The following SBF2 variants were observed in gnomAD, a reference collection of about 807,000 sequenced individuals.
The protein encoded by SBF2 is myotubularin-related protein 13.
In SBF2, 112 loss-of-function variants were observed where a neutral mutation model predicts 225.2. The ratio of observed to expected loss-of-function variants is 0.50; its 90% confidence interval spans 0.43 to 0.58. The LOEUF is 0.58. Ranked by LOEUF, SBF2 falls within the 20% of genes least tolerant of loss-of-function variation. SBF2 has a pLI of 0.00. For missense variants in SBF2, 1,996 were observed against 2,206.2 expected (o/e 0.90, Z 1.91); for synonymous variants, 763 against 773.3 (o/e 0.99, Z 0.22).
chr11:10,046,859 A>G (rs1292447483), intron 2 of SBF2, among the ~76,000 whole-genome samples: 1 of 149,220 alleles, frequency 6.7e-6, no homozygotes, highest in Non-Finnish European at 1.5e-5. Flanking sequence ...ATGATTGTGT[A>G]AACAGATAAT....
chr11:9,788,756 G>A (rs1471989154), intron 35 of SBF2, among the ~76,000 whole-genome samples: 8 of 135,640 alleles, frequency 5.9e-5, no homozygotes, highest in East Asian at 2.1e-4. Flanking sequence ...CACCACGCCC[G>A]GCTAATTTTT....
At chr11:10,242,157 C>T (rs1014695213) in intron 1 of SBF2, among the ~76,000 whole-genome samples, 1 of 151,932 alleles carries the variant, frequency 6.6e-6, no homozygotes, top group East Asian at 2.0e-4. Context: ...AAAATAAAAA[C>T]TACCCACAAA....
At chr11:10,183,128 C>T (rs1956803505) in intron 2 of SBF2, among the ~76,000 whole-genome samples, 9 of 152,118 alleles carry the variant, frequency 5.9e-5, no homozygotes, top group Admixed American at 5.9e-4. Context: ...GTGATCATCA[C>T]CCCACATTTT....
At chr11:10,115,970 T>C (rs892012490) in intron 2 of SBF2, among the ~76,000 whole-genome samples, 2 of 151,996 alleles carry the variant, frequency 1.3e-5, no homozygotes, top group African/African-American at 4.8e-5. Flanking sequence ...ATTGAGACCA[T>C]CCTGGCTAAC....
At position 10,294,207 on chromosome 11, in the gene SBF2, C is replaced by T. The variant is rs894128141; in HGVS notation, c.-138G>A. 1.3e-5 allele frequency: 8 copies of T among 603,602 alleles called. No homozygotes were observed. In the South Asian group the frequency reaches 2.6e-4, roughly 19 times the overall value. The allele number at this position is 603,602 out of a possible 1,614,324, so 37.4% of individuals were successfully genotyped here. The stretch of plus-strand genomic sequence containing the variant: ...CAGCGCTTCAGCCATGTTTGACAAC[C>T]GAGGCGCGCTCTGCGCTTGCGCGGC... On this transcript the variant is annotated 5_prime_UTR_variant, in exon 1 of 40. Transcript: ENST00000256190.
At chr11:10,172,308 T>A (rs1956230253) in intron 2 of SBF2, among the ~76,000 whole-genome samples, 1 of 152,116 alleles carries the variant, frequency 6.6e-6, no homozygotes. Context: ...TTCACTATAT[T>A]CCATAGGTTT....
chr11:10,070,503 G>C (rs925650259), intron 2 of SBF2, among the ~76,000 whole-genome samples: 1 of 151,454 alleles, frequency 6.6e-6, no homozygotes, highest in African/African-American at 2.4e-5. Flanking sequence ...GCTTTGTTCT[G>C]TTCCATTGGT....
intron 2 of SBF2, among the ~76,000 whole-genome samples, chr11:10,084,296 G>C (rs1951473578): frequency 6.6e-6 from 1 of 151,728 alleles, no homozygotes. Flanking sequence ...TTCAGAAGAA[G>C]ACATACAAAT....
chr11:9,980,863 G>A (rs1946926586), intron 13 of SBF2, among the ~76,000 whole-genome samples: 1 of 152,168 alleles, frequency 6.6e-6, no homozygotes, highest in Non-Finnish European at 1.5e-5. Flanking sequence ...ACTGCGCCCA[G>A]CAATAATTTT....
chr11:10,296,740 T>G (rs12418514), upstream of SBF2, among the ~76,000 whole-genome samples: 28,712 of 152,176 alleles, frequency 0.19, 3,562 homozygotes, highest in Non-Finnish European at 0.28. Flanking sequence ...TGGGGATATA[T>G]TCTTGGGATT....
rs183070719 is a variant in SBF2 at position 9,919,656 on chromosome 11, G to A, written c.1861-23645C>T. ...TAGATAACATAACCAATTAGGTCAG[G>A]GGTCCATCTTTAACTACCAGGTCCA... On this transcript the variant is annotated intron_variant, in intron 16 of 39. Transcript: ENST00000256190. Among the ~76,000 whole-genome samples, 483 of 152,264 alleles carry A rather than the reference G, an allele frequency of 3.2e-3. 1 individual carries two copies. Among genetic ancestry groups the A allele is most frequent in the Admixed American group, 6.3e-3 (96 of 15,296 alleles).
chr11:10,163,764 T>A (rs1464880817), intron 2 of SBF2, among the ~76,000 whole-genome samples: 6 of 152,114 alleles, frequency 3.9e-5, no homozygotes, highest in Non-Finnish European at 7.4e-5. Flanking sequence ...CTTAAAATGG[T>A]TCCTGGTATA....
At chr11:9,923,568 G>A (rs1336831412) in intron 16 of SBF2, among the ~76,000 whole-genome samples, 2 of 152,194 alleles carry the variant, frequency 1.3e-5, no homozygotes, top group Non-Finnish European at 1.5e-5. Flanking sequence ...CTTAAAGAAT[G>A]AAAAGCTATT....
intron 6 of SBF2, among the ~76,000 whole-genome samples, chr11:10,009,892 T>C (rs1948370148): frequency 6.6e-6 from 1 of 152,218 alleles, no homozygotes; most frequent in Non-Finnish European, 1.5e-5. Context: ...AGAATTCCTA[T>C]TTTTCCACAT....
chr11:10,101,916 A>C (rs1952325155), intron 2 of SBF2, among the ~76,000 whole-genome samples: 1 of 151,922 alleles, frequency 6.6e-6, no homozygotes, highest in Non-Finnish European at 1.5e-5. Context: ...GGTCAGTTAC[A>C]AACTTTGCTA....
chr11:10,061,640 G>A (rs1316772386), intron 2 of SBF2, among the ~76,000 whole-genome samples: 1 of 151,948 alleles, frequency 6.6e-6, no homozygotes, highest in Admixed American at 6.6e-5. Context: ...AACCAGGAAG[G>A]TGAAAGATCT....
chr11:10,262,196 A>G (rs1038497588), intron 1 of SBF2, among the ~76,000 whole-genome samples: 11 of 152,198 alleles, frequency 7.2e-5, no homozygotes, highest in African/African-American at 2.7e-4. Context: ...ACTGTGAAAT[A>G]CATCCAAAAA....
At chr11:10,134,736 T>C in intron 2 of SBF2, among the ~76,000 whole-genome samples, 1 of 152,162 alleles carries the variant, frequency 6.6e-6, no homozygotes, top group East Asian at 1.9e-4. Flanking sequence ...AGAGGTAAGC[T>C]GTATGGTCTT....
At chr11:10,195,000 G>A (rs1247851115) in intron 1 of SBF2, among the ~76,000 whole-genome samples, 1 of 152,170 alleles carries the variant, frequency 6.6e-6, no homozygotes, top group Non-Finnish European at 1.5e-5. Context: ...AAATGAAATG[G>A]CACTGCTAGC....
Sources: allele counts gnomAD v4.1 joint callset (sites outside exome capture counted in the v4.1 genomes callset), GRCh38; gene constraint gnomAD v4.1.1; transcripts MANE v1.5; gene names NCBI Gene and HGNC (gene_info 2026-07-23, HGNC 2026-07-21).